Variants in VTCN1 observed in about 807,000 individuals in gnomAD.
VTCN1 encodes V-set domain-containing T-cell activation inhibitor 1.
Under a neutral mutation model 26.5 loss-of-function variants are expected in VTCN1, and 26 were observed. The observed-to-expected ratio is 0.98, with a 90% CI of 0.72 to 1.36. The LOEUF is 1.36. VTCN1 is among the 40% of genes most tolerant of loss of function. The probability of loss-of-function intolerance (pLI) is 0.00; values close to 1 mark genes in which losing one functional copy is unlikely to be tolerated. For missense variants in VTCN1, 298 were observed against 337.7 expected (o/e 0.88, Z 0.92); for synonymous variants, 116 against 130.7 (o/e 0.89, Z 0.77).
chr1:117,151,164 G>C (rs527252423), intron 4 of VTCN1, among the ~76,000 whole-genome samples: 4 of 151,662 alleles, frequency 2.6e-5, no homozygotes, highest in African/African-American at 9.7e-5. Context: ...GATAGTGTAA[G>C]TGTGAGCCAC....
Position 117,203,657 on chromosome 1 carries a change from A to T in VTCN1, c.32+7167T>A. The T allele has an allele frequency of 3.0e-6, 3 of 985,364 alleles. No individual in the cohort carries two copies. In the South Asian group the frequency reaches 1.4e-4, roughly 46 times the overall value. 61.0% of individuals were successfully genotyped at this position (985,364 alleles called of 1,614,324 possible). On this transcript the variant is annotated intron_variant, in intron 1 of 5. Transcript: ENST00000369458. ...TGGCTTTTCCTTTGTTTTCATCAAG[A>T]CCCATCTGTGGCTCTTTAGCACATT...
At chr1:117,173,677 C>A (rs531939653) in intron 1 of VTCN1, among the ~76,000 whole-genome samples, 29 of 152,336 alleles carry the variant, frequency 1.9e-4, no homozygotes, top group African/African-American at 6.0e-4. Context: ...TGGCATTATT[C>A]AGAAAGGGCT....
intron 2 of VTCN1, among the ~76,000 whole-genome samples, chr1:117,160,342 T>A (rs1053499757): frequency 3.9e-5 from 6 of 152,246 alleles, no homozygotes; most frequent in Admixed American, 2.0e-4. Context: ...TAACGGGTCC[T>A]GAGCACTTCC....
At chr1:117,208,350 C>T (rs1649201053) in intron 1 of VTCN1, among the ~76,000 whole-genome samples, 1 of 152,298 alleles carries the variant, frequency 6.6e-6, no homozygotes, top group Non-Finnish European at 1.5e-5. Flanking sequence ...CAAGACACAG[C>T]CCACCCATTC....
Position 117,146,584 on chromosome 1 carries a change from T to C in VTCN1, c.*45+1029A>G, listed in dbSNP as rs1202468767. 6.6e-6 allele frequency among the ~76,000 whole-genome samples: 1 copy of C among 152,026 alleles called. No individual in the cohort carries two copies. The highest frequency in any genetic ancestry group is 1.5e-5 in the Non-Finnish European group (1 of 68,000). ...TAAAATGGATAAAGGAAGTAGTGGG[T>C]ATAAATTGCCACAGAGTAGAGAAGA... On this transcript the variant is annotated intron_variant, in intron 5 of 5. Transcript: ENST00000369458. The surrounding 1 kb of genome is among the most constrained non-coding windows in gnomAD (Gnocchi z 4.2).
intron 2 of VTCN1, 148 bp from the exon 3 acceptor site, chr1:117,157,069 A>C: frequency 3.2e-6 from 4 of 1,261,770 alleles, no homozygotes; most frequent in Non-Finnish European, 4.5e-6. Context: ...CAAGAAGAGA[A>C]AGAGCAGGAA....
intron 1 of VTCN1, among the ~76,000 whole-genome samples, chr1:117,180,184 G>A (rs1310964736): frequency 6.6e-6 from 1 of 151,970 alleles, no homozygotes; most frequent in Non-Finnish European, 1.5e-5. Flanking sequence ...TGAGTATCAG[G>A]TGGAAAATTT....
At chr1:117,165,024 G>T (rs113819171) in intron 2 of VTCN1, among the ~76,000 whole-genome samples, 1 of 152,214 alleles carries the variant, frequency 6.6e-6, no homozygotes, top group African/African-American at 2.4e-5. Flanking sequence ...TTCTGTATTG[G>T]GGAAAAGTTT....
chr1:117,166,654 CAA>C (rs34933727), intron 2 of VTCN1, among the ~76,000 whole-genome samples: 15 of 73,062 alleles, frequency 2.1e-4, no homozygotes, highest in Non-Finnish European at 2.3e-4. Context: ...TACTCTGTCT[CAA>C]AAAAAAAAAA....
At chr1:117,179,556 G>T (rs918018339) in intron 1 of VTCN1, among the ~76,000 whole-genome samples, 1 of 152,198 alleles carries the variant, frequency 6.6e-6, no homozygotes, top group African/African-American at 2.4e-5. Flanking sequence ...AACAGAGCTC[G>T]CGGAGACTGG....
intron 1 of VTCN1, among the ~76,000 whole-genome samples, chr1:117,174,530 G>T (rs1388433742): frequency 6.6e-6 from 1 of 152,220 alleles, no homozygotes; most frequent in Non-Finnish European, 1.5e-5. Context: ...ACTTTGGGAG[G>T]CCGAGGCGGG....
At position 117,153,193 on chromosome 1, in the gene VTCN1, T is replaced by G. The variant is rs1443124633; in HGVS notation, c.622A>C (p.Met208Leu). The G allele has an allele frequency of 6.2e-7, 1 of 1,614,074 alleles. No homozygotes were observed. Among genetic ancestry groups the G allele is most frequent in the Non-Finnish European group, 8.5e-7 (1 of 1,180,032 alleles). The change falls in exon 4 of 6, where the codon ATG becomes CTG. Residue 208 changes from methionine to leucine, a missense_variant. Met to Leu is a conservative substitution (Grantham distance 15). Coordinates refer to ENST00000369458, the MANE Select transcript of VTCN1 (RefSeq NM_024626.4). ...TTGTAGAGCACAGACACAACCTTCA[T>G]GGTCACATTCTCAGAGTTCAGCTCA... ...SFELNSENVTMKVVSVLYNVT... is the reference protein window; with the variant it reads ...SFELNSENVTLKVVSVLYNVT...
At chr1:117,190,845 C>T (rs1648209627) in intron 1 of VTCN1, among the ~76,000 whole-genome samples, 1 of 152,186 alleles carries the variant, frequency 6.6e-6, no homozygotes, top group Non-Finnish European at 1.5e-5. Flanking sequence ...AACACTAATG[C>T]AAGTCTATGC....
intron 2 of VTCN1, among the ~76,000 whole-genome samples, chr1:117,163,044 G>A (rs1423061047): frequency 1.3e-5 from 2 of 152,230 alleles, no homozygotes; most frequent in Non-Finnish European, 2.9e-5. Context: ...GGGCACCACA[G>A]TACATGGCTT....
Position 117,145,817 on chromosome 1 carries a change from G to A in VTCN1, c.*46-592C>T, listed in dbSNP as rs1190188716. On this transcript the variant is annotated intron_variant, in intron 5 of 5. Transcript: ENST00000369458. The surrounding 1 kb of genome is among the most constrained non-coding windows in gnomAD (Gnocchi z 4.6). ...TGGCTAATTTTTAAATTTTTTTGTAGAGATGGGGGTCTCACCATATTGCCC... is the reference window on the plus strand; with the variant it reads ...TGGCTAATTTTTAAATTTTTTTGTAAAGATGGGGGTCTCACCATATTGCCC... 6.6e-6 allele frequency among the ~76,000 whole-genome samples: 1 copy of A among 152,044 alleles called. No individual in the cohort carries two copies. Among genetic ancestry groups the A allele is most frequent in the Non-Finnish European group, 1.5e-5 (1 of 68,000 alleles).
intron 1 of VTCN1, among the ~76,000 whole-genome samples, chr1:117,197,734 C>T (rs546369429): frequency 3.0e-4 from 45 of 152,134 alleles, no homozygotes; most frequent in Non-Finnish European, 5.7e-4. Context: ...TTGCTTTGTG[C>T]ATTTTCTTCA....
chr1:117,165,150 G>T (rs183377298), intron 2 of VTCN1, among the ~76,000 whole-genome samples: 2 of 152,340 alleles, frequency 1.3e-5, no homozygotes, highest in East Asian at 3.9e-4. Context: ...ATGGGTAGGA[G>T]TGTAGGTTCG....
intron 1 of VTCN1, among the ~76,000 whole-genome samples, chr1:117,199,314 A>G (rs73010063): frequency 0.016 from 2,421 of 152,190 alleles, 77 homozygotes; most frequent in African/African-American, 0.055. Flanking sequence ...AAATCCTTTG[A>G]AATTACCATT....
At chr1:117,171,586 A>G (rs1652919749) in intron 1 of VTCN1, among the ~76,000 whole-genome samples, 1 of 152,256 alleles carries the variant, frequency 6.6e-6, no homozygotes, top group African/African-American at 2.4e-5. Context: ...GAACAGATTA[A>G]CAAATGACAC....
Sources: gnomAD v4.1 joint callset for allele counts (sites outside exome capture counted in the v4.1 genomes callset) on GRCh38, gnomAD v4.1.1 for gene constraint, Gnocchi (gnomAD v3.1) non-coding constraint, MANE v1.5 for transcripts, NCBI Gene and HGNC (gene_info 2026-07-23, HGNC 2026-07-21) for gene names.